The following LRPPRC variants were observed in gnomAD, a reference collection of about 807,000 sequenced individuals.
The protein encoded by LRPPRC is leucine-rich PPR motif-containing protein, mitochondrial.
In LRPPRC, 120 loss-of-function variants were observed where a neutral mutation model predicts 180.3. That is an observed-to-expected ratio of 0.67 (90% CI 0.57 to 0.77). The LOEUF is 0.77. Among genes scored for constraint, LRPPRC ranks in the 30% least tolerant of loss-of-function variants. LRPPRC has a pLI of 0.00. For synonymous variants in LRPPRC, 723 were observed against 600.0 expected (o/e 1.21, Z -3.00); for missense variants, 2,012 against 1,657.2 (o/e 1.21, Z -3.72).
intron 31 of LRPPRC, among the ~76,000 whole-genome samples, chr2:43,905,184 G>A (rs1432852486): frequency 6.6e-6 from 1 of 152,078 alleles, no homozygotes; most frequent in East Asian, 1.9e-4. Flanking sequence ...AAAAGTATTA[G>A]ATTAAGTTTT....
intron 8 of LRPPRC, 152 bp from the exon 9 acceptor site, chr2:43,974,447 AT>A: frequency 1.2e-6 from 1 of 817,406 alleles, no homozygotes; most frequent in Non-Finnish European, 2.1e-6. Flanking sequence ...AAATCAAATC[AT>A]CCCCATGTGT....
chr2:43,928,571 G>GAA (rs1671972003), intron 25 of LRPPRC, among the ~76,000 whole-genome samples: 1 of 152,024 alleles, frequency 6.6e-6, no homozygotes, highest in African/African-American at 2.4e-5. Context: ...ATGTGCACAA[G>GAA]GGCTTTAAAG....
At chr2:43,920,199 G>T (rs569612927) in intron 27 of LRPPRC, among the ~76,000 whole-genome samples, 1 of 151,564 alleles carries the variant, frequency 6.6e-6, no homozygotes, top group Non-Finnish European at 1.5e-5. Context: ...GCAGTGGCCC[G>T]ATCTCAGTTC....
intron 34 of LRPPRC, among the ~76,000 whole-genome samples, chr2:43,897,251 C>T (rs753848671): frequency 7.2e-5 from 11 of 151,938 alleles, no homozygotes; most frequent in Non-Finnish European, 5.9e-5. Flanking sequence ...AGACAGCCAG[C>T]GCTTGAGAAA....
chr2:43,947,499 T>C (rs1347465970), intron 19 of LRPPRC, 129 bp from the exon 20 acceptor site: 2 of 666,130 alleles, frequency 3.0e-6, no homozygotes, highest in Non-Finnish European at 5.4e-6. Flanking sequence ...TCAGGGATAT[T>C]AATTGGGGAA....
chr2:43,921,119 C>G (rs369332394), intron 27 of LRPPRC, among the ~76,000 whole-genome samples: 1 of 152,006 alleles, frequency 6.6e-6, no homozygotes, highest in African/African-American at 2.4e-5. Flanking sequence ...TGGTGAAACC[C>G]CATCTCTACT....
intron 13 of LRPPRC, among the ~76,000 whole-genome samples, chr2:43,959,593 G>A (rs974696076): frequency 4.6e-5 from 7 of 152,124 alleles, no homozygotes; most frequent in Admixed American, 2.6e-4. Context: ...TCTTAAGAAC[G>A]TCTTATTTAT....
At chr2:43,973,767 CTTGGCT>C in intron 10 of LRPPRC, 22 bp downstream of exon 10, 1 of 1,603,558 alleles carries the variant, frequency 6.2e-7, no homozygotes, top group East Asian at 2.2e-5. Context: ...AACTTCCTTA[CTTGGCT>C]TTAACTTTAA....
At chr2:43,993,557 T>C (rs144418527) in intron 1 of LRPPRC, among the ~76,000 whole-genome samples, 18 of 152,192 alleles carry the variant, frequency 1.2e-4, no homozygotes, top group Middle Eastern at 6.8e-3. Flanking sequence ...CAGGAAAGGT[T>C]CTGTGTTTCA....
At chr2:43,937,467 A>AT (rs1672317819) in intron 23 of LRPPRC, among the ~76,000 whole-genome samples, 1 of 152,202 alleles carries the variant, frequency 6.6e-6, no homozygotes, top group African/African-American at 2.4e-5. Flanking sequence ...TTATGTCACT[A>AT]TTAATCTTTC....
At chr2:43,899,435 G>A (rs187160273) in intron 33 of LRPPRC, 31 bp downstream of exon 33, 1 of 1,613,718 alleles carries the variant, frequency 6.2e-7, no homozygotes, top group Non-Finnish European at 8.5e-7. Flanking sequence ...AAATGTGCTT[G>A]TGTGTTCTTT....
chr2:43,892,595 G>GAGAT (rs1219520414), intron 36 of LRPPRC: 2 of 152,148 alleles, frequency 1.3e-5, no homozygotes, highest in Non-Finnish European at 2.9e-5. Context: ...GATATACAGG[G>GAGAT]AGATTAATGT....
chr2:43,993,087 C>T (rs1674859151), intron 1 of LRPPRC, among the ~76,000 whole-genome samples: 1 of 152,096 alleles, frequency 6.6e-6, no homozygotes, highest in Admixed American at 6.5e-5. Context: ...AAAATGGTGT[C>T]ATCAATACCA....
chr2:43,956,900 A>G (rs1465315399), intron 14 of LRPPRC, among the ~76,000 whole-genome samples: 1 of 152,146 alleles, frequency 6.6e-6, no homozygotes, highest in African/African-American at 2.4e-5. Context: ...AAAAAAATAA[A>G]TCAAATAAAA....
chr2:43,952,268 G>A (rs1356181163), intron 14 of LRPPRC, among the ~76,000 whole-genome samples: 3 of 151,638 alleles, frequency 2.0e-5, no homozygotes, highest in African/African-American at 7.3e-5. Flanking sequence ...AAGGCATGGA[G>A]ATAAACTTTC....
intron 1 of LRPPRC, among the ~76,000 whole-genome samples, chr2:43,984,647 G>T (rs1381621066): frequency 2.0e-5 from 3 of 152,054 alleles, no homozygotes; most frequent in Non-Finnish European, 4.4e-5. Flanking sequence ...ATACATTCTG[G>T]AAACAAGAGT....
Position 43,888,616 on chromosome 2 carries a change from C to T in LRPPRC, c.4169G>A (p.Arg1390Lys), listed in dbSNP as rs371211221. 18 of 1,601,108 alleles carry T rather than the reference C, an allele frequency of 1.1e-5. No individual in the cohort carries two copies. Among genetic ancestry groups the T allele is most frequent in the Non-Finnish European group, 1.5e-5 (18 of 1,168,476 alleles). ...EFYAQQLRKL[R>K]ENSS The stretch of plus-strand genomic sequence containing the variant: ...CTGGTTATTTCAAGAAGAGTTTTCC[C>T]TCAATTTTCTTAGCTGCTGTGCATA... The change falls in exon 38 of 38, where the codon AGG (arginine) becomes AAG (lysine). Residue 1390 changes from arginine to lysine, a missense_variant. Physicochemically the swap from Arg to Lys is conservative, Grantham distance 26 (BLOSUM62 2). Coordinates refer to ENST00000260665, the MANE Select transcript of LRPPRC (RefSeq NM_133259.4).
At chr2:43,888,796 CTCCT>C (rs1437372056) in intron 37 of LRPPRC, 140 bp from the exon 38 acceptor site, 2 of 649,144 alleles carry the variant, frequency 3.1e-6, no homozygotes, top group Admixed American at 4.7e-5. Context: ...AGCTTCAGTA[CTCCT>C]TCCTTGTTTC....
rs2954799 is a variant in LRPPRC at position 43,923,965 on chromosome 2, T to C, written c.2896+1102A>G. On this transcript the variant is annotated intron_variant, in intron 27 of 37. Coordinates refer to ENST00000260665, the MANE Select transcript of LRPPRC (RefSeq NM_133259.4). ...TATACATTCAATACCAAACTCAGCA[T>C]TGTGTGCAAGAATTTGATCATCGTT... 4.2e-3 allele frequency among the ~76,000 whole-genome samples: 636 copies of C among 152,310 alleles called. 3 individuals carry two copies. Among genetic ancestry groups the C allele is most frequent in the Admixed American group, 9.9e-3 (151 of 15,290 alleles).
Sources: allele counts gnomAD v4.1 joint callset (sites outside exome capture counted in the v4.1 genomes callset), GRCh38; gene constraint gnomAD v4.1.1; transcripts MANE v1.5; gene names NCBI Gene and HGNC (gene_info 2026-07-23, HGNC 2026-07-21).